Variants in ARHGAP32 observed in about 807,000 individuals in gnomAD.
ARHGAP32 encodes the protein Rho GTPase activating protein 32.
Under a neutral mutation model 186.5 loss-of-function variants are expected in ARHGAP32, and 51 were observed. The ratio of observed to expected loss-of-function variants is 0.27; its 90% CI spans 0.22 to 0.35. ARHGAP32 has a LOEUF of 0.35. Ranked by LOEUF, ARHGAP32 falls within the 10% of genes least tolerant of loss-of-function variation. The pLI is 1.00. For missense variants in ARHGAP32, 2,186 were observed against 2,623.5 expected, an observed-to-expected ratio of 0.83 and a Z score of 3.64; for synonymous variants, 950 against 964.3, an observed-to-expected ratio of 0.99 and a Z score of 0.27.
intron 5 of ARHGAP32, among the ~76,000 whole-genome samples, chr11:129,106,544 A>G (rs1942054043): frequency 6.6e-6 from 1 of 152,064 alleles, no homozygotes; most frequent in South Asian, 2.1e-4. Flanking sequence ...GGCAGTGAGG[A>G]AAAGATTTAA....
intron 1 of ARHGAP32, among the ~76,000 whole-genome samples, chr11:129,275,196 C>A (rs1382726941): frequency 6.6e-6 from 1 of 152,184 alleles, no homozygotes; most frequent in African/African-American, 2.4e-5. Context: ...ACTCTATAAT[C>A]TGGAGGTGAT....
chr11:129,086,611 G>C (rs1941405351), intron 6 of ARHGAP32, among the ~76,000 whole-genome samples: 1 of 152,074 alleles, frequency 6.6e-6, no homozygotes, highest in South Asian at 2.1e-4. Flanking sequence ...CACAAGGTCA[G>C]GAGATCGAGA....
At chr11:129,259,024 A>G (rs1434639155) in intron 1 of ARHGAP32, among the ~76,000 whole-genome samples, 1 of 152,210 alleles carries the variant, frequency 6.6e-6, no homozygotes, top group Non-Finnish European at 1.5e-5. Flanking sequence ...GGTGCTAGCC[A>G]CTAGTCATAA....
upstream of ARHGAP32, among the ~76,000 whole-genome samples, chr11:129,195,047 G>A (rs1257360743): frequency 1.3e-5 from 2 of 151,244 alleles, no homozygotes; most frequent in Admixed American, 1.3e-4. Context: ...TCGACTCACT[G>A]CAACCTCCAC....
chr11:129,189,239 A>C (rs1944226317), intron 1 of ARHGAP32, among the ~76,000 whole-genome samples: 1 of 152,196 alleles, frequency 6.6e-6, no homozygotes, highest in South Asian at 2.1e-4. Context: ...TTTCAAAGTC[A>C]GTTACATCTG....
chr11:129,102,479 C>T (rs982117493), intron 5 of ARHGAP32, among the ~76,000 whole-genome samples: 1 of 152,108 alleles, frequency 6.6e-6, no homozygotes, highest in East Asian at 1.9e-4. Context: ...GTGAGAACCA[C>T]AGGTTCAAAA....
At chr11:128,973,981 G>T in intron 21 of ARHGAP32, 143 bp downstream of exon 21, 1 of 991,212 alleles carries the variant, frequency 1.0e-6, no homozygotes, top group Non-Finnish European at 1.5e-6. Context: ...TTAGGGCTCT[G>T]AGCCATCAGC....
At chr11:128,973,918 T>C (rs1426914892) in intron 21 of ARHGAP32, 1 of 598,044 alleles carries the variant, frequency 1.7e-6, no homozygotes, top group African/African-American at 1.9e-5. Context: ...TTTGTGAAGA[T>C]TTGAAGCAGG....
intron 1 of ARHGAP32, among the ~76,000 whole-genome samples, chr11:129,268,921 C>T (rs562053977): frequency 1.1e-4 from 16 of 152,264 alleles, no homozygotes; most frequent in Non-Finnish European, 2.2e-4. Context: ...AGAGATACAG[C>T]AGGAGCCTAG....
intron 1 of ARHGAP32, among the ~76,000 whole-genome samples, chr11:129,264,884 A>C (rs1377692923): frequency 6.6e-6 from 1 of 152,188 alleles, no homozygotes; most frequent in African/African-American, 2.4e-5. Context: ...ATTCCTTCAA[A>C]TCTGTGCTCT....
intron 1 of ARHGAP32, among the ~76,000 whole-genome samples, chr11:129,168,571 T>A (rs563948094): frequency 6.6e-6 from 1 of 152,316 alleles, no homozygotes; most frequent in South Asian, 2.1e-4. Context: ...ACTATCACCG[T>A]TGTAGATTTT....
intron 2 of ARHGAP32, among the ~76,000 whole-genome samples, chr11:129,132,232 A>G (rs573904948): frequency 3.3e-5 from 5 of 152,324 alleles, no homozygotes; most frequent in South Asian, 2.1e-4. Flanking sequence ...TAATCCCAAG[A>G]CTTTGGGAGG....
At chr11:129,144,358 T>G (rs1345016085) in intron 2 of ARHGAP32, among the ~76,000 whole-genome samples, 1 of 152,144 alleles carries the variant, frequency 6.6e-6, no homozygotes, top group Non-Finnish European at 1.5e-5. Context: ...CTGTGAATGC[T>G]GTTTAGTGGT....
At chr11:129,106,398 A>G (rs917062410) in intron 5 of ARHGAP32, among the ~76,000 whole-genome samples, 2 of 152,176 alleles carry the variant, frequency 1.3e-5, no homozygotes, top group African/African-American at 4.8e-5. Flanking sequence ...AGTGGTTATT[A>G]GCCTAAGCAA....
intron 1 of ARHGAP32, among the ~76,000 whole-genome samples, chr11:129,201,317 G>A (rs916987488): frequency 2.6e-5 from 4 of 152,034 alleles, no homozygotes; most frequent in Non-Finnish European, 4.4e-5. Context: ...AATGTTTATC[G>A]ATGTAGAAAA....
intron 7 of ARHGAP32, 56 bp downstream of exon 7, chr11:129,066,675 C>T: frequency 1.3e-6 from 2 of 1,526,072 alleles, no homozygotes; most frequent in African/African-American, 1.4e-5. Context: ...CAGACAAAAA[C>T]TTCTGCAAAC....
intron 5 of ARHGAP32, among the ~76,000 whole-genome samples, chr11:129,107,199 A>G (rs1306749593): frequency 3.3e-5 from 5 of 152,218 alleles, no homozygotes; most frequent in Admixed American, 3.3e-4. Flanking sequence ...TAGCAATCCT[A>G]TATCCAGCAA....
At chr11:129,081,884 A>G (rs1394989876) in intron 6 of ARHGAP32, among the ~76,000 whole-genome samples, 1 of 152,136 alleles carries the variant, frequency 6.6e-6, no homozygotes, top group Non-Finnish European at 1.5e-5. Flanking sequence ...CTTAGATGTG[A>G]TAAGTGAATT....
intron 11 of ARHGAP32, among the ~76,000 whole-genome samples, chr11:129,017,260 C>T (rs565330045): frequency 2.7e-3 from 407 of 152,150 alleles, no homozygotes; most frequent in African/African-American, 9.3e-3. Context: ...TCGAGACCAG[C>T]CTGGCCAACA....
Sources: gnomAD v4.1 joint callset for allele counts (sites outside exome capture counted in the v4.1 genomes callset) on GRCh38, gnomAD v4.1.1 for gene constraint, MANE v1.5 for transcripts, NCBI Gene and HGNC (gene_info 2026-07-23, HGNC 2026-07-21) for gene names.